WDR33: variants seen among roughly 807,000 people sequenced by gnomAD.
WDR33 encodes WD repeat domain 33.
Under a neutral mutation model 164.9 loss-of-function variants are expected in WDR33, and 47 were observed. The ratio of observed to expected loss-of-function variants is 0.29; its 90% CI spans 0.23 to 0.36. The LOEUF (loss-of-function observed/expected upper bound fraction) is 0.36. Ranked by LOEUF, WDR33 falls within the 10% of genes least tolerant of loss-of-function variation. The pLI is 1.00. For missense variants in WDR33, 1,137 were observed against 1,754.1 expected, an observed-to-expected ratio of 0.65 and a Z score of 6.28; for synonymous variants, 505 against 589.0, an observed-to-expected ratio of 0.86 and a Z score of 2.06.
intron 7 of WDR33, among the ~76,000 whole-genome samples, chr2:127,743,893 A>AT (rs1687096144): frequency 6.6e-6 from 1 of 152,320 alleles, no homozygotes; most frequent in South Asian, 2.1e-4. Flanking sequence ...ACCAAAATAC[A>AT]TATTATGTGA....
chr2:127,791,169 C>A lies in WDR33; in HGVS notation c.-24+19843G>T, dbSNP rs113741663. Among the ~76,000 whole-genome samples the A allele has an allele frequency of 9.9e-4, 105 of 105,864 alleles. 1 individual carries two copies. In the Middle Eastern group the frequency reaches 0.037, roughly 37 times the overall value. The allele number at this position is 105,864 out of a possible 152,430, so 69.5% of individuals were successfully genotyped here. ...CCAAACTCTTTCCCCACCCCACCCC[C>A]CCCCCCAGCAACTGCGTCTCACTCT... On this transcript the variant is annotated intron_variant, in intron 1 of 21. Transcript: ENST00000322313.
chr2:127,749,662 A>C (rs1456184935), intron 7 of WDR33, among the ~76,000 whole-genome samples: 5 of 126,622 alleles, frequency 3.9e-5, no homozygotes, highest in Non-Finnish European at 8.3e-5. Flanking sequence ...ACTCCACCTC[A>C]AAAAAAAAAA....
chr2:127,772,960 A>C (rs1368632697), intron 1 of WDR33, among the ~76,000 whole-genome samples: 6 of 42,670 alleles, frequency 1.4e-4, no homozygotes, highest in Admixed American at 1.0e-3. Flanking sequence ...CCATCTCTAC[A>C]AAAAAAAAAA....
chr2:127,733,463 CTATA>C (rs1686761390), intron 7 of WDR33, among the ~76,000 whole-genome samples: 1 of 152,140 alleles, frequency 6.6e-6, no homozygotes, highest in Non-Finnish European at 1.5e-5. Context: ...TTGTAGATCA[CTATA>C]TAAAGAAAAA....
chr2:127,753,537 T>C (rs1046177895), intron 7 of WDR33, among the ~76,000 whole-genome samples: 14 of 152,146 alleles, frequency 9.2e-5, no homozygotes, highest in African/African-American at 3.1e-4. Context: ...ACACAAAATA[T>C]TGTAACTTGC....
intron 17 of WDR33, among the ~76,000 whole-genome samples, chr2:127,715,064 CTTCTTTCTT>C (rs1213486575): frequency 1.1e-4 from 17 of 149,208 alleles, no homozygotes; most frequent in South Asian, 6.5e-4. Flanking sequence ...CAGCATCCCT[CTTCTTTCTT>C]TTCTTTCTTT....
chr2:127,800,202 G>A (rs1284233085), intron 1 of WDR33, among the ~76,000 whole-genome samples: 5 of 152,176 alleles, frequency 3.3e-5, no homozygotes, highest in African/African-American at 9.7e-5. Context: ...ATATTTGTAC[G>A]TGAATGTTTA....
chr2:127,788,190 C>G (rs868790877), intron 1 of WDR33, among the ~76,000 whole-genome samples: 295 of 107,018 alleles, frequency 2.8e-3, no homozygotes, highest in African/African-American at 0.012. Context: ...GCTGGCCGGG[C>G]GGAGGGCTGA....
chr2:127,809,051 AAAG>A (rs1461241136), intron 1 of WDR33, among the ~76,000 whole-genome samples: 5 of 151,416 alleles, frequency 3.3e-5, no homozygotes, highest in Admixed American at 6.6e-5. Flanking sequence ...AAAAAAAAAA[AAAG>A]AATTCCAGAA....
rs55641967 is a variant in WDR33 at position 127,770,692 on chromosome 2, A to AAAATAAAT, written c.204+78_204+85dup. 129 of 589,626 alleles carry AAAATAAAT rather than the reference A, an allele frequency of 2.2e-4. No homozygotes were observed. The highest frequency in any genetic ancestry group is 2.1e-3 in the African/African-American group (101 of 48,812). 36.5% of individuals were successfully genotyped at this position (589,626 alleles called of 1,614,324 possible). ...GGCAACAAGAAAGAAACTCCATCTC[A>AAAATAAAT]AAATAAATAAATAAATAAATAAATA... On this transcript the variant is annotated intron_variant, in intron 2 of 21. Coordinates refer to ENST00000322313, the MANE Select transcript of WDR33 (RefSeq NM_018383.5). The surrounding 1 kb of genome is among the most constrained non-coding windows in gnomAD (Gnocchi z 4.9).
rs1305579781 is a variant in WDR33 at position 127,701,834 on chromosome 2, G to A, written c.*4489C>T. Reference sequence around the variant, plus strand: ...CCGCGCTCTACGCACCGGTGTTGCTGCTGCGCGCGCGCAAGTTCGCGCTGC... The same window carrying A: ...CCGCGCTCTACGCACCGGTGTTGCTACTGCGCGCGCGCAAGTTCGCGCTGC... On this transcript the variant is annotated 3_prime_UTR_variant, in exon 22 of 22. Transcript: ENST00000322313. 8 of 1,458,634 alleles carry A rather than the reference G, an allele frequency of 5.5e-6. No individual in the cohort carries two copies. The African/African-American group carries it at 1.0e-4, about 19-fold the overall frequency. The allele number at this position is 1,458,634 out of a possible 1,614,324, so 90.4% of individuals were successfully genotyped here.
chr2:127,755,036 C>T (rs1207284012), intron 7 of WDR33, among the ~76,000 whole-genome samples: 2 of 152,216 alleles, frequency 1.3e-5, no homozygotes, highest in Admixed American at 6.5e-5. Context: ...GAACATGACA[C>T]CTCAAGAGTT....
chr2:127,720,036 C>T lies in WDR33; in HGVS notation c.1989G>A (p.Gln663=). The change falls in exon 16 of 22, where the codon CAG becomes CAA. Residue 663 remains glutamine (Q), a synonymous_variant. Coordinates refer to ENST00000322313, the MANE Select transcript of WDR33 (RefSeq NM_018383.5). This position sits in a 1 kb window ranked among gnomAD's most constrained non-coding sequence, Gnocchi z 5.9. ...GCATGTCCTGAGGCCGTGGCAACCCCTGGGGCGGGCCCTGGGGCCCCTGTG... is the reference window on the plus strand; with the variant it reads ...GCATGTCCTGAGGCCGTGGCAACCCTTGGGGCGGGCCCTGGGGCCCCTGTG... The part of the protein sequence containing the change: ...MGPQGPQGPP[Q]GLPRPQDMHG... The T allele has an allele frequency of 6.2e-7, 1 of 1,613,836 alleles. No homozygotes were observed. Among genetic ancestry groups the T allele is most frequent in the Non-Finnish European group, 8.5e-7 (1 of 1,179,918 alleles).
chr2:127,809,053 A>G (rs1342846200), intron 1 of WDR33, among the ~76,000 whole-genome samples: 1 of 136,936 alleles, frequency 7.3e-6, no homozygotes, highest in East Asian at 2.1e-4. Flanking sequence ...AAAAAAAAAA[A>G]GAATTCCAGA....
intron 7 of WDR33, among the ~76,000 whole-genome samples, chr2:127,755,783 G>A (rs896808962): frequency 6.6e-6 from 1 of 152,130 alleles, no homozygotes; most frequent in Non-Finnish European, 1.5e-5. Context: ...AACTACTTTT[G>A]TTTAATAACA....
chr2:127,774,439 T>C (rs1439039174), intron 1 of WDR33, among the ~76,000 whole-genome samples: 4 of 152,206 alleles, frequency 2.6e-5, no homozygotes. Context: ...TTTCTATTAC[T>C]ATAAAATGAG....
intron 1 of WDR33, among the ~76,000 whole-genome samples, chr2:127,791,362 C>G (rs1323434132): frequency 6.6e-6 from 1 of 152,024 alleles, no homozygotes; most frequent in Non-Finnish European, 1.5e-5. Flanking sequence ...TATTAGTCTG[C>G]TTGGCTGCCA....
chr2:127,783,525 G>A (rs1260278153), intron 1 of WDR33, among the ~76,000 whole-genome samples: 1 of 145,842 alleles, frequency 6.9e-6, no homozygotes, highest in Admixed American at 6.8e-5. Context: ...ACTGGATTAA[G>A]TAATTTGGAC....
At chr2:127,774,728 G>A (rs373219012) in intron 1 of WDR33, among the ~76,000 whole-genome samples, 57 of 152,252 alleles carry the variant, frequency 3.7e-4, no homozygotes, top group South Asian at 6.2e-4. Flanking sequence ...TACTCGGGAG[G>A]CTGAGGCAGG....
Sources: allele counts gnomAD v4.1 joint callset (sites outside exome capture counted in the v4.1 genomes callset), GRCh38; gene constraint gnomAD v4.1.1; non-coding constraint Gnocchi (gnomAD v3.1); transcripts MANE v1.5; gene names NCBI Gene and HGNC (gene_info 2026-07-23, HGNC 2026-07-21).